Variants in GLS observed in about 807,000 individuals in gnomAD.
The protein encoded by GLS is glutaminase.
A neutral mutation model predicts 86.7 loss-of-function variants in GLS; 36 were observed. That is an observed-to-expected ratio of 0.42 (90% CI 0.32 to 0.55). GLS has a LOEUF of 0.55. GLS is among the 20% of genes least tolerant of loss of function. The probability of loss-of-function intolerance (pLI) is 0.17; values close to 1 mark genes in which losing one functional copy is unlikely to be tolerated. For synonymous variants in GLS, 317 were observed against 305.9 expected, an observed-to-expected ratio of 1.04 and a Z score of -0.38; for missense variants, 528 against 833.4, an observed-to-expected ratio of 0.63 and a Z score of 4.51.
At chr2:190,923,760 C>T (rs1342932624) in intron 9 of GLS, among the ~76,000 whole-genome samples, 157 bp from the exon 10 acceptor site, 2 of 152,152 alleles carry the variant, frequency 1.3e-5, no homozygotes, top group African/African-American at 4.8e-5. Flanking sequence ...TGTCCAAAGT[C>T]ACACAAATAG....
Position 190,962,728 on chromosome 2 carries a change from A to G in GLS, c.1854-102A>G. ...ATTTGTAAAATTGCTAAAATAGCTA[A>G]ATTTGGCCATTTAACCTGCATTTAA... On this transcript the variant is annotated intron_variant, in intron 17 of 17. Transcript: ENST00000320717. The surrounding 1 kb of genome is among the most constrained non-coding windows in gnomAD (Gnocchi z 4.2). The G allele has an allele frequency of 1.6e-6, 1 of 633,914 alleles. No individual in the cohort carries two copies. The highest frequency in any genetic ancestry group is 1.9e-5 in the African/African-American group (1 of 53,180). The allele number at this position is 633,914 out of a possible 1,614,324, so 39.3% of individuals were successfully genotyped here.
At chr2:190,884,649 C>T (rs1688314554) in intron 1 of GLS, among the ~76,000 whole-genome samples, 1 of 151,922 alleles carries the variant, frequency 6.6e-6, no homozygotes, top group African/African-American at 2.4e-5. Flanking sequence ...AGGTAAGGGG[C>T]ATTATTAAGT....
At chr2:190,886,204 T>TA (rs1187131556) in intron 1 of GLS, among the ~76,000 whole-genome samples, 1 of 152,168 alleles carries the variant, frequency 6.6e-6, no homozygotes, top group Non-Finnish European at 1.5e-5. Flanking sequence ...GTGAAAAAGG[T>TA]ACCAATAACT....
intron 17 of GLS, among the ~76,000 whole-genome samples, chr2:190,959,243 CTTT>C (rs56693446): frequency 1.3e-4 from 18 of 135,618 alleles, no homozygotes; most frequent in Admixed American, 2.9e-4. Context: ...GCAACCCCTG[CTTT>C]TTTTTTTTTT....
chr2:190,924,124 G>C lies in GLS; in HGVS notation c.1197+141G>C. ...GCAGAAGTTTTTGCAGAGTGCTCGT[G>C]AGTCAGTGTTATCAAATTGTTAATG... is the stretch of plus-strand genomic sequence containing the variant. On this transcript the variant is annotated intron_variant, in intron 10 of 17. Coordinates refer to ENST00000320717, the MANE Select transcript of GLS (RefSeq NM_014905.5). This position sits in a 1 kb window ranked among gnomAD's most constrained non-coding sequence, Gnocchi z 5.2. 1 of 592,692 alleles carries C rather than the reference G, an allele frequency of 1.7e-6. No homozygotes were observed. 36.7% of individuals were successfully genotyped at this position (592,692 alleles called of 1,614,324 possible).
chr2:190,894,949 TG>T (rs1574566136), intron 1 of GLS, among the ~76,000 whole-genome samples: 1 of 113,292 alleles, frequency 8.8e-6, no homozygotes, highest in African/African-American at 2.5e-5. Context: ...AATGTGTTAA[TG>T]ATTTTTTTTC....
chr2:190,954,954 G>T lies in GLS; in HGVS notation c.1853+136G>T. ...ATATCTTATAAAGGCAATAAACCTT[G>T]TTTCTACTAGATAGGTAATTCTGTC... On this transcript the variant is annotated intron_variant, in intron 17 of 17. Coordinates refer to ENST00000320717, the MANE Select transcript of GLS (RefSeq NM_014905.5). This position sits in a 1 kb window ranked among gnomAD's most constrained non-coding sequence, Gnocchi z 4.0. 1 of 616,318 alleles carries T rather than the reference G, an allele frequency of 1.6e-6. No homozygotes were observed. Among genetic ancestry groups the T allele is most frequent in the Admixed American group, 3.2e-5 (1 of 31,654 alleles). 38.2% of individuals were successfully genotyped at this position (616,318 alleles called of 1,614,324 possible). A position where few individuals can be genotyped will look rare whatever the true frequency, so the allele number is the denominator to read the frequency against.
rs575304890 is a variant in GLS, at chr2:190,914,398, A to T, written c.1038+4077A>T. Among the ~76,000 whole-genome samples the T allele has an allele frequency of 6.6e-6, 1 of 150,404 alleles. No individual in the cohort carries two copies. Among genetic ancestry groups the T allele is most frequent in the East Asian group, 2.0e-4 (1 of 5,100 alleles). ...TCAGAAGACAGGATTATATTGGTTT[A>T]TTTACTTCTTGTTTATATCAGTTTA... is the stretch of plus-strand genomic sequence containing the variant. On this transcript the variant is annotated intron_variant, in intron 7 of 17. Coordinates refer to ENST00000320717, the MANE Select transcript of GLS (RefSeq NM_014905.5). The surrounding 1 kb of genome is among the most constrained non-coding windows in gnomAD (Gnocchi z 4.4).
intron 17 of GLS, among the ~76,000 whole-genome samples, chr2:190,957,669 T>C (rs1343777581): frequency 6.6e-6 from 1 of 152,216 alleles, no homozygotes; most frequent in Non-Finnish European, 1.5e-5. Flanking sequence ...GAGATAATTG[T>C]GGTTTTTGTC....
intron 14 of GLS, among the ~76,000 whole-genome samples, chr2:190,946,284 T>C (rs1001097781): frequency 6.6e-6 from 1 of 152,186 alleles, no homozygotes; most frequent in African/African-American, 2.4e-5. Context: ...TAAGAAAATA[T>C]AAAAGCAGGC....
Position 190,930,669 on chromosome 2 carries a change from T to A in GLS, c.1557+101T>A. ...TCCATAGTTCATTAACTCTTGGCCC[T>A]CCGCCTATAGTGTGCCAGTTACTAG... On this transcript the variant is annotated intron_variant, in intron 13 of 17. Coordinates refer to ENST00000320717, the MANE Select transcript of GLS (RefSeq NM_014905.5). The surrounding 1 kb of genome is among the most constrained non-coding windows in gnomAD (Gnocchi z 5.0). 9.0e-7 allele frequency: 1 copy of A among 1,106,028 alleles called. No individual in the cohort carries two copies. Among genetic ancestry groups the A allele is most frequent in the Non-Finnish European group, 1.3e-6 (1 of 766,910 alleles). 68.5% of individuals were successfully genotyped at this position (1,106,028 alleles called of 1,614,324 possible).
rs943829934 is a variant in GLS at position 190,934,885 on chromosome 2, G to C, written c.1650+3248G>C. The C allele has an allele frequency of 5.1e-6, 5 of 978,966 alleles. No individual in the cohort carries two copies. In the East Asian group the frequency reaches 5.7e-4, roughly 112 times the overall value. 60.6% of individuals were successfully genotyped at this position (978,966 alleles called of 1,614,324 possible). A position where few individuals can be genotyped will look rare whatever the true frequency, so the allele number is the denominator to read the frequency against. On this transcript the variant is annotated intron_variant, in intron 14 of 17. Coordinates refer to ENST00000320717, the MANE Select transcript of GLS (RefSeq NM_014905.5). ...AACGGAAGAAGAGATAAGATACTGC[G>C]AATAGGCCCTCAAACTTAAAAAAGA...
chr2:190,963,022 T>A lies in GLS; in HGVS notation c.*36T>A. Reference sequence around the variant, plus strand: ...TCCCAAGATTTAAATCACTTACCTATTTAATTGTGGAAAATGATTATGAAG... The same window carrying A: ...TCCCAAGATTTAAATCACTTACCTAATTAATTGTGGAAAATGATTATGAAG... On this transcript the variant is annotated 3_prime_UTR_variant, in exon 18 of 18. Coordinates refer to ENST00000320717, the MANE Select transcript of GLS (RefSeq NM_014905.5). The A allele has an allele frequency of 7.1e-7, 1 of 1,411,226 alleles. No homozygotes were observed. The highest frequency in any genetic ancestry group is 2.2e-5 in the Admixed American group (1 of 46,030). The allele number at this position is 1,411,226 out of a possible 1,614,324, so 87.4% of individuals were successfully genotyped here. A position where few individuals can be genotyped will look rare whatever the true frequency, so the allele number is the denominator to read the frequency against.
rs771461324 is a variant in GLS, at chr2:190,947,287, AAGTG to A, written c.1651-6275_1651-6272del. On this transcript the variant is annotated intron_variant, in intron 14 of 17. Coordinates refer to ENST00000320717, the MANE Select transcript of GLS (RefSeq NM_014905.5). This position sits in a 1 kb window ranked among gnomAD's most constrained non-coding sequence, Gnocchi z 5.0. Reference sequence around the variant, plus strand: ...ACCTGCTTCTAGCTGTTTTGGAAAAAAGTGAGATTTGCTATGCCAAGCATGCCAG... The same window carrying A: ...ACCTGCTTCTAGCTGTTTTGGAAAAAAGATTTGCTATGCCAAGCATGCCAG... Among the ~76,000 whole-genome samples, 64 of 152,318 alleles carry A rather than the reference AAGTG, an allele frequency of 4.2e-4. No individual in the cohort carries two copies. Among genetic ancestry groups the A allele is most frequent in the South Asian group, 2.7e-3 (13 of 4,826 alleles).
Position 190,935,933 on chromosome 2 carries a change from GTACTT to G in GLS, c.1650+4300_1650+4304del, listed in dbSNP as rs2124925257. Among the ~76,000 whole-genome samples, 1 of 151,168 alleles carries G rather than the reference GTACTT, an allele frequency of 6.6e-6. No homozygotes were observed. Among genetic ancestry groups the G allele is most frequent in the South Asian group, 2.1e-4 (1 of 4,824 alleles). On this transcript the variant is annotated intron_variant, in intron 14 of 17. Transcript: ENST00000320717. The surrounding 1 kb of genome is among the most constrained non-coding windows in gnomAD (Gnocchi z 4.2). ...CTCCATGTATTGTAGGTCAAATATAGTACTTTACATTTTTATGTTTAATTAAATCT... is the reference window on the plus strand; with the variant it reads ...CTCCATGTATTGTAGGTCAAATATAGTACATTTTTATGTTTAATTAAATCT...
intron 14 of GLS, among the ~76,000 whole-genome samples, chr2:190,950,013 A>G (rs1019348716): frequency 6.6e-6 from 1 of 151,190 alleles, no homozygotes; most frequent in Admixed American, 6.6e-5. Flanking sequence ...ATATATATGA[A>G]GGGGAAAAGC....
chr2:190,936,662 A>G (rs186269021), intron 14 of GLS, among the ~76,000 whole-genome samples: 125 of 151,346 alleles, frequency 8.3e-4, no homozygotes, highest in African/African-American at 2.8e-3. Context: ...GAACTCTGGA[A>G]AAGTGAAACC....
At position 190,920,866 on chromosome 2, in the gene GLS, A is replaced by T. The variant is rs1689707685; in HGVS notation, c.1039-158A>T. ...ATGGGTATTAAATAACATGAAAAAA[A>T]GTTTATATAAATGTTAAATTACTTT... On this transcript the variant is annotated intron_variant, in intron 7 of 17. Transcript: ENST00000320717. This position sits in a 1 kb window ranked among gnomAD's most constrained non-coding sequence, Gnocchi z 4.2. 1.9e-6 allele frequency: 1 copy of T among 533,822 alleles called. No homozygotes were observed. Among genetic ancestry groups the T allele is most frequent in the Admixed American group, 3.3e-5 (1 of 30,296 alleles). The allele number at this position is 533,822 out of a possible 1,614,324, so 33.1% of individuals were successfully genotyped here. A position where few individuals can be genotyped will look rare whatever the true frequency, so the allele number is the denominator to read the frequency against.
At chr2:190,919,046 A>C (rs1558980691) in intron 7 of GLS, among the ~76,000 whole-genome samples, 2 of 148,174 alleles carry the variant, frequency 1.3e-5, no homozygotes, top group African/African-American at 4.9e-5. Flanking sequence ...ACAGAGACAC[A>C]AAATGAGCAC....
Sources: gnomAD v4.1 joint callset for allele counts (sites outside exome capture counted in the v4.1 genomes callset) on GRCh38, gnomAD v4.1.1 for gene constraint, Gnocchi (gnomAD v3.1) non-coding constraint, MANE v1.5 for transcripts, NCBI Gene and HGNC (gene_info 2026-07-23, HGNC 2026-07-21) for gene names.